SLCO3A1: variants seen among roughly 807,000 people sequenced by gnomAD.
SLCO3A1 encodes solute carrier organic anion transporter family member 3A1.
A neutral mutation model predicts 63.1 loss-of-function variants in SLCO3A1; 27 were observed. That is an observed-to-expected ratio of 0.43 (90% CI 0.32 to 0.59). The LOEUF is 0.59. SLCO3A1 is among the 20% of genes least tolerant of loss of function. SLCO3A1 has a pLI of 0.09. For synonymous variants in SLCO3A1, 473 were observed against 409.9 expected (o/e 1.15, Z -1.86); for missense variants, 773 against 945.8 (o/e 0.82, Z 2.40).
intron 4 of SLCO3A1, among the ~76,000 whole-genome samples, chr15:92,107,256 A>C (rs1304324974): frequency 6.6e-6 from 1 of 152,262 alleles, no homozygotes; most frequent in Non-Finnish European, 1.5e-5. Flanking sequence ...AGGATGTCTC[A>C]ACAGGAAAAG....
chr15:92,001,324 C>T (rs2046252507), intron 2 of SLCO3A1, among the ~76,000 whole-genome samples: 1 of 152,176 alleles, frequency 6.6e-6, no homozygotes, highest in Non-Finnish European at 1.5e-5. Context: ...AGCTTAGGAC[C>T]TGGCACCAGC....
In SLCO3A1 at chr15:91,950,780, T is replaced by G. The variant is rs1029918920; in HGVS notation, c.646+34322T>G. Among the ~76,000 whole-genome samples the G allele has an allele frequency of 6.6e-5, 10 of 152,306 alleles. No individual in the cohort carries two copies. The highest frequency in any genetic ancestry group is 2.2e-4 in the African/African-American group (9 of 41,570). ...GTTGTTGAAAGTCTTTGGCAATGCTTAATTTTATGGTATGTGCAATGCTAA... is the reference window on the plus strand; with the variant it reads ...GTTGTTGAAAGTCTTTGGCAATGCTGAATTTTATGGTATGTGCAATGCTAA... On this transcript the variant is annotated intron_variant, in intron 2 of 9. Coordinates refer to ENST00000318445, the MANE Select transcript of SLCO3A1 (RefSeq NM_013272.4). This position sits in a 1 kb window ranked among gnomAD's most constrained non-coding sequence, Gnocchi z 4.4.
chr15:92,129,910 G>T (rs1016285258), intron 7 of SLCO3A1, among the ~76,000 whole-genome samples: 10 of 152,096 alleles, frequency 6.6e-5, no homozygotes, highest in African/African-American at 2.4e-4. Context: ...TTTAAAATTA[G>T]ATGATAAAGC....
chr15:92,155,716 C>G (rs1468876920), intron 9 of SLCO3A1, among the ~76,000 whole-genome samples: 1 of 152,098 alleles, frequency 6.6e-6, no homozygotes, highest in Non-Finnish European at 1.5e-5. Flanking sequence ...TAAGAGACAG[C>G]ATCTATTGAG....
At chr15:91,998,394 C>T (rs1174310915) in intron 2 of SLCO3A1, among the ~76,000 whole-genome samples, 1 of 152,002 alleles carries the variant, frequency 6.6e-6, no homozygotes, top group East Asian at 1.9e-4. Context: ...GCTGAGGTTG[C>T]AGCGTGCCGA....
intron 1 of SLCO3A1, among the ~76,000 whole-genome samples, chr15:91,878,604 C>A (rs1897465258): frequency 6.6e-6 from 1 of 152,182 alleles, no homozygotes; most frequent in African/African-American, 2.4e-5. Flanking sequence ...GTGACAGGGA[C>A]AGATCAGCAT....
chr15:91,999,128 G>T (rs1357357561), intron 2 of SLCO3A1, among the ~76,000 whole-genome samples: 1 of 152,202 alleles, frequency 6.6e-6, no homozygotes, highest in African/African-American at 2.4e-5. Flanking sequence ...AGACACTGGG[G>T]ACTACAGTGG....
intron 1 of SLCO3A1, chr15:91,908,470 C>T (rs1020611015): frequency 6.6e-6 from 1 of 152,094 alleles, no homozygotes; most frequent in African/African-American, 2.4e-5. Flanking sequence ...AGAGGCTGAT[C>T]CTGTGTCGTC....
chr15:92,147,742 G>T (rs1360945334), intron 8 of SLCO3A1, among the ~76,000 whole-genome samples: 2 of 152,208 alleles, frequency 1.3e-5, no homozygotes, highest in African/African-American at 4.8e-5. Flanking sequence ...AAATTCTATT[G>T]TTACCTGTCT....
intron 1 of SLCO3A1, among the ~76,000 whole-genome samples, chr15:91,874,437 C>T (rs1413453758): frequency 6.6e-6 from 1 of 152,182 alleles, no homozygotes; most frequent in Non-Finnish European, 1.5e-5. Flanking sequence ...CAGCCCTGGC[C>T]ACCACTGTTC....
At chr15:91,982,624 A>G (rs1254827185) in intron 2 of SLCO3A1, among the ~76,000 whole-genome samples, 4 of 152,222 alleles carry the variant, frequency 2.6e-5, no homozygotes, top group Non-Finnish European at 1.5e-5. Flanking sequence ...CCCTCTATAG[A>G]GTTTCTGAGA....
At position 91,905,900 on chromosome 15, in the gene SLCO3A1, G is replaced by A. The variant is rs577420711; in HGVS notation, c.181-10093G>A. Among the ~76,000 whole-genome samples, 21 of 152,258 alleles carry A rather than the reference G, an allele frequency of 1.4e-4. 1 individual carries two copies. In the South Asian group the frequency reaches 4.4e-3, roughly 32 times the overall value. On this transcript the variant is annotated intron_variant, in intron 1 of 9. Transcript: ENST00000318445. ...CACCAATTTGCTTGTGGCTGCCCCT[G>A]CTTAGCTGATAGGCCCATTAGCCTT...
intron 2 of SLCO3A1, among the ~76,000 whole-genome samples, chr15:91,930,830 G>A (rs55829293): frequency 0.065 from 9,867 of 152,216 alleles, 471 homozygotes; most frequent in Non-Finnish European, 0.099. Flanking sequence ...TATTTGCCGC[G>A]CTTTATGGGA....
At chr15:91,966,216 G>A (rs774244765) in intron 2 of SLCO3A1, among the ~76,000 whole-genome samples, 2 of 152,150 alleles carry the variant, frequency 1.3e-5, no homozygotes, top group Admixed American at 6.5e-5. Context: ...AACTGCACCC[G>A]TAGCTCAGAT....
chr15:91,993,430 G>A (rs1413768976), intron 2 of SLCO3A1, among the ~76,000 whole-genome samples: 1 of 152,180 alleles, frequency 6.6e-6, no homozygotes, highest in African/African-American at 2.4e-5. Flanking sequence ...GAAATTGAGA[G>A]CAAATACTTC....
intron 2 of SLCO3A1, among the ~76,000 whole-genome samples, chr15:92,087,516 A>AT (rs34074469): frequency 0.053 from 6,474 of 121,746 alleles, 482 homozygotes; most frequent in African/African-American, 0.16. Context: ...ATTATCTATT[A>AT]TTTTTTTTTT....
chr15:92,150,705 T>G (rs1440928920), intron 8 of SLCO3A1, among the ~76,000 whole-genome samples: 1 of 152,104 alleles, frequency 6.6e-6, no homozygotes, highest in Non-Finnish European at 1.5e-5. Flanking sequence ...AATGACAAGG[T>G]TAGCTCCAGT....
chr15:91,980,459 A>T (rs1307945855), intron 2 of SLCO3A1, among the ~76,000 whole-genome samples: 1 of 151,102 alleles, frequency 6.6e-6, no homozygotes, highest in African/African-American at 2.4e-5. Flanking sequence ...TGGTGAATGG[A>T]TTCGTAGGGT....
chr15:92,036,404 C>G (rs1464960534), intron 2 of SLCO3A1, among the ~76,000 whole-genome samples: 1 of 106,142 alleles, frequency 9.4e-6, no homozygotes, highest in Non-Finnish European at 1.9e-5. Context: ...TTTTCTTTTT[C>G]TCTCACTGAA....
Sources: allele counts gnomAD v4.1 joint callset (sites outside exome capture counted in the v4.1 genomes callset), GRCh38; gene constraint gnomAD v4.1.1; non-coding constraint Gnocchi (gnomAD v3.1); transcripts MANE v1.5; gene names NCBI Gene and HGNC (gene_info 2026-07-23, HGNC 2026-07-21).